The following AZIN1 variants were observed in gnomAD, a reference collection of about 807,000 sequenced individuals.
AZIN1 encodes ornithine decarboxylase antizyme inhibitor.
In AZIN1, 12 loss-of-function variants were observed where a neutral mutation model predicts 47.4. That is an observed-to-expected ratio of 0.25 (90% CI 0.16 to 0.41). AZIN1 has a LOEUF of 0.41. Among genes scored for constraint, AZIN1 ranks in the 10% least tolerant of loss-of-function variants. AZIN1 has a pLI of 1.00. For missense variants in AZIN1, 410 were observed against 532.4 expected (o/e 0.77, Z 2.26); for synonymous variants, 155 against 176.3 (o/e 0.88, Z 0.96).
intron 1 of AZIN1, among the ~76,000 whole-genome samples, chr8:102,858,599 T>A (rs1384184735): frequency 6.6e-6 from 1 of 152,164 alleles, no homozygotes; most frequent in Non-Finnish European, 1.5e-5. Flanking sequence ...CAGAACACTC[T>A]TTTACTCCTC....
intron 9 of AZIN1, 21 bp from the exon 10 acceptor site, chr8:102,829,957 G>A (rs771161220): frequency 6.2e-6 from 9 of 1,455,520 alleles, no homozygotes; most frequent in African/African-American, 1.4e-5. Flanking sequence ...ACAGGAAAGG[G>A]GAAAATGAAT....
At chr8:102,837,554 G>A (rs1424272494) in intron 5 of AZIN1, among the ~76,000 whole-genome samples, 1 of 152,162 alleles carries the variant, frequency 6.6e-6, no homozygotes, top group Non-Finnish European at 1.5e-5. Flanking sequence ...GTTAGAATCA[G>A]CTCCATCAAG....
At chr8:102,832,977 C>G (rs1171088965) in intron 9 of AZIN1, 79 bp downstream of exon 9, 1 of 1,316,668 alleles carries the variant, frequency 7.6e-7, no homozygotes, top group Non-Finnish European at 1.1e-6. Context: ...CCACCTACAA[C>G]TTCATGACCA....
At chr8:102,863,128 C>T (rs1454316311) in intron 1 of AZIN1, among the ~76,000 whole-genome samples, 1 of 152,228 alleles carries the variant, frequency 6.6e-6, no homozygotes, top group East Asian at 1.9e-4. Flanking sequence ...CAGAAGGGGC[C>T]AAAAGCCTCT....
chr8:102,834,599 A>G, intron 7 of AZIN1, 67 bp downstream of exon 7: 1 of 1,259,776 alleles, frequency 7.9e-7, no homozygotes, highest in Admixed American at 2.0e-5. Context: ...GGCAGAAAAT[A>G]CTTAGTCTTT....
chr8:102,843,709 C>A lies in AZIN1; in HGVS notation c.-57G>T. ...AAACCAGGAAAGACAAGAGACGGGC[C>A]ACCAAGCCTATGTCTGGGTCCTTAG... On this transcript the variant is annotated 5_prime_UTR_variant, in exon 3 of 12. Coordinates refer to ENST00000337198, the MANE Select transcript of AZIN1 (RefSeq NM_148174.4). 6.2e-7 allele frequency: 1 copy of A among 1,608,146 alleles called. No individual in the cohort carries two copies. Among genetic ancestry groups the A allele is most frequent in the Non-Finnish European group, 8.5e-7 (1 of 1,177,436 alleles).
chr8:102,853,353 T>G (rs1586198984), intron 2 of AZIN1, among the ~76,000 whole-genome samples: 1 of 152,114 alleles, frequency 6.6e-6, no homozygotes, highest in East Asian at 1.9e-4. Flanking sequence ...AAATACAAAA[T>G]TAGTCGGGCA....
intron 1 of AZIN1, among the ~76,000 whole-genome samples, chr8:102,861,310 C>G (rs943432176): frequency 6.7e-6 from 1 of 150,364 alleles, no homozygotes; most frequent in Non-Finnish European, 1.5e-5. Context: ...TCACTGCAAC[C>G]TCTGCCTCCC....
At chr8:102,844,461 C>T (rs752421126) in intron 2 of AZIN1, among the ~76,000 whole-genome samples, 15 of 152,052 alleles carry the variant, frequency 9.9e-5, no homozygotes, top group Non-Finnish European at 2.2e-4. Context: ...TTACCTCAAG[C>T]TAAAATAGTA....
At chr8:102,841,803 T>TAAAAAAA (rs1280642913) in intron 3 of AZIN1, among the ~76,000 whole-genome samples, 1 of 123,002 alleles carries the variant, frequency 8.1e-6, no homozygotes, top group African/African-American at 3.2e-5. Context: ...TATATATATA[T>TAAAAAAA]ATAAAAAAAA....
Position 102,834,196 on chromosome 8 carries a change from A to G in AZIN1, c.734T>C (p.Leu245Ser), listed in dbSNP as rs746329083. The change falls in exon 8 of 12, where the codon TTG (leucine) becomes TCG (serine). Residue 245 changes from leucine to serine, a missense_variant. By Grantham distance (145) the Leu-to-Ser change is moderately radical. Coordinates refer to ENST00000337198, the MANE Select transcript of AZIN1 (RefSeq NM_148174.4). ...GGGFTGTEFQ[L>S]EEVNHVISPL... ...ATCTACTGAGAAGTTTACCTCTTCCAATTGAAATTCAGTTCCCGTGAATCC... is the reference window on the plus strand; with the variant it reads ...ATCTACTGAGAAGTTTACCTCTTCCGATTGAAATTCAGTTCCCGTGAATCC... The G allele has an allele frequency of 2.5e-6, 4 of 1,612,384 alleles. No homozygotes were observed. Among genetic ancestry groups the G allele is most frequent in the Non-Finnish European group, 2.5e-6 (3 of 1,179,326 alleles).
chr8:102,858,789 C>G (rs927050516), intron 1 of AZIN1, among the ~76,000 whole-genome samples: 9 of 152,134 alleles, frequency 5.9e-5, no homozygotes, highest in Non-Finnish European at 1.3e-4. Flanking sequence ...CATATCTAAC[C>G]TATTTGGACA....
At chr8:102,863,528 C>A (rs984361598) in intron 1 of AZIN1, among the ~76,000 whole-genome samples, 1 of 151,588 alleles carries the variant, frequency 6.6e-6, no homozygotes, top group African/African-American at 2.4e-5. Flanking sequence ...CGCGCTCCCC[C>A]ACTGGCACAC....
Position 102,828,392 on chromosome 8 carries a change from C to A in AZIN1, c.*175G>T. 1 of 470,072 alleles carries A rather than the reference C, an allele frequency of 2.1e-6. No individual in the cohort carries two copies. Among genetic ancestry groups the A allele is most frequent in the Admixed American group, 3.7e-5 (1 of 27,176 alleles). The allele number at this position is 470,072 out of a possible 1,614,324, so 29.1% of individuals were successfully genotyped here. A position where few individuals can be genotyped will look rare whatever the true frequency, so the allele number is the denominator to read the frequency against. ...ACATTATCTAAATCTCCCATTATCCCCAATGAATTATAGATGAAAGCTGAT... is the reference window on the plus strand; with the variant it reads ...ACATTATCTAAATCTCCCATTATCCACAATGAATTATAGATGAAAGCTGAT... On this transcript the variant is annotated 3_prime_UTR_variant, in exon 12 of 12. Coordinates refer to ENST00000337198, the MANE Select transcript of AZIN1 (RefSeq NM_148174.4).
intron 3 of AZIN1, among the ~76,000 whole-genome samples, chr8:102,841,098 G>T (rs1470168127): frequency 6.6e-6 from 1 of 152,126 alleles, no homozygotes; most frequent in African/African-American, 2.4e-5. Context: ...GGGAAGCCTT[G>T]TATTTAATGA....
At chr8:102,841,826 C>G (rs1051390194) in intron 3 of AZIN1, among the ~76,000 whole-genome samples, 12 of 126,004 alleles carry the variant, frequency 9.5e-5, no homozygotes, top group Non-Finnish European at 1.5e-4. Context: ...AAAAAAAAGA[C>G]CAGGCTGGGC....
At chr8:102,849,835 T>A (rs1466196487) in intron 2 of AZIN1, among the ~76,000 whole-genome samples, 3 of 152,188 alleles carry the variant, frequency 2.0e-5, no homozygotes, top group Admixed American at 6.5e-5. Context: ...GGTGTTTTTT[T>A]AATACATTTT....
rs1350938739 is a variant in AZIN1, at chr8:102,826,327, T to G, written c.*2240A>C. ...TAAAGCTGATATGTAAAATTTTACCTCTATTTCAGATAGAAGCCAAAGTAA... is the reference window on the plus strand; with the variant it reads ...TAAAGCTGATATGTAAAATTTTACCGCTATTTCAGATAGAAGCCAAAGTAA... On this transcript the variant is annotated 3_prime_UTR_variant, in exon 12 of 12. Transcript: ENST00000337198. The G allele has an allele frequency of 6.6e-6, 1 of 152,648 alleles. No individual in the cohort carries two copies. The highest frequency in any genetic ancestry group is 1.9e-4 in the East Asian group (1 of 5,206). 9.5% of individuals were successfully genotyped at this position (152,648 alleles called of 1,614,324 possible).
intron 7 of AZIN1, 121 bp from the exon 8 acceptor site, chr8:102,834,384 G>C: frequency 1.3e-6 from 1 of 761,990 alleles, no homozygotes; most frequent in South Asian, 1.8e-5. Context: ...GCAAATTCTT[G>C]GTTTTTTACT....
Sources: allele counts gnomAD v4.1 joint callset (sites outside exome capture counted in the v4.1 genomes callset), GRCh38; gene constraint gnomAD v4.1.1; transcripts MANE v1.5; gene names NCBI Gene and HGNC (gene_info 2026-07-23, HGNC 2026-07-21).